The following REXO2 variants were observed in gnomAD, a reference collection of about 807,000 sequenced individuals.
REXO2 encodes the protein oligoribonuclease, mitochondrial.
A neutral mutation model predicts 30.9 loss-of-function variants in REXO2; 17 were observed. The ratio of observed to expected loss-of-function variants is 0.55; its 90% CI spans 0.38 to 0.82. REXO2 has a LOEUF of 0.82. Among genes scored for constraint, REXO2 ranks in the 40% least tolerant of loss-of-function variants. The probability of loss-of-function intolerance (pLI) is 0.00; values close to 1 mark genes in which losing one functional copy is unlikely to be tolerated. For synonymous variants in REXO2, 105 were observed against 99.6 expected, an observed-to-expected ratio of 1.05 and a Z score of -0.32; for missense variants, 253 against 293.2, an observed-to-expected ratio of 0.86 and a Z score of 1.00.
chr11:114,444,435 T>C (rs746651924), intron 3 of REXO2, 106 bp from the exon 4 acceptor site: 5 of 779,442 alleles, frequency 6.4e-6, no homozygotes, highest in Non-Finnish European at 1.1e-5. Context: ...ATGGTCTATT[T>C]GTGGTTATAT....
chr11:114,443,178 C>T (rs572153736), intron 2 of REXO2, among the ~76,000 whole-genome samples: 1 of 151,886 alleles, frequency 6.6e-6, no homozygotes, highest in East Asian at 1.9e-4. Flanking sequence ...TGGCATGTAG[C>T]TCACTGTAAC....
At chr11:114,444,432 A>G in intron 3 of REXO2, 109 bp from the exon 4 acceptor site, 2 of 769,264 alleles carry the variant, frequency 2.6e-6, no homozygotes, top group East Asian at 2.5e-5. Context: ...AAAATGGTCT[A>G]TTTGTGGTTA....
At chr11:114,444,750 C>A in intron 4 of REXO2, 98 bp downstream of exon 4, 1 of 631,662 alleles carries the variant, frequency 1.6e-6, no homozygotes, top group Non-Finnish European at 2.5e-6. Flanking sequence ...CCATGTCTTC[C>A]ACTTAACCCT....
intron 5 of REXO2, among the ~76,000 whole-genome samples, chr11:114,447,619 A>G (rs1946517495): frequency 6.6e-6 from 1 of 152,142 alleles, no homozygotes; most frequent in South Asian, 2.1e-4. Flanking sequence ...TTCCAGATTT[A>G]GCAATCTTAC....
intron 6 of REXO2, 108 bp downstream of exon 6, chr11:114,447,987 T>TA: frequency 1.2e-6 from 1 of 842,376 alleles, no homozygotes; most frequent in Admixed American, 2.5e-5. Context: ...GGGGAAAAGA[T>TA]AAAGTTCAAC....
At chr11:114,444,332 A>ACTGTGG in intron 3 of REXO2, 1 of 635,476 alleles carries the variant, frequency 1.6e-6, no homozygotes, top group Non-Finnish European at 2.8e-6. Flanking sequence ...ACATGCTATT[A>ACTGTGG]ACAGTCAGGA....
intron 6 of REXO2, among the ~76,000 whole-genome samples, chr11:114,448,453 T>C (rs902120770): frequency 6.6e-6 from 1 of 152,210 alleles, no homozygotes; most frequent in African/African-American, 2.4e-5. Context: ...TTAAACCATT[T>C]ACTGAACCCC....
intron 3 of REXO2, 198 bp downstream of exon 3, chr11:114,444,131 CTT>C (rs1565270853): frequency 1.5e-6 from 1 of 657,362 alleles, no homozygotes; most frequent in African/African-American, 1.8e-5. Context: ...TGAATGTCCT[CTT>C]TTTTTTCTCT....
In REXO2 at chr11:114,444,586, C is replaced by T; in HGVS notation, c.355C>T (p.Gln119Ter). The T allele has an allele frequency of 6.2e-7, 1 of 1,612,170 alleles. No individual in the cohort carries two copies. The highest frequency in any genetic ancestry group is 1.1e-5 in the South Asian group (1 of 90,610). ...GAAGGAGAGTACAATTACATTGCAG[C>T]AGGCAGAGTATGAATTTCTGTCCTT... ...AVKESTITLQ[Q>*]AEYEFLSFVR... Residue 119 changes from glutamine (Q) to a stop codon, truncating the protein, a stop_gained, in exon 4 of 7, where the codon CAG (glutamine) becomes TAG (stop). Coordinates refer to ENST00000265881, the MANE Select transcript of REXO2 (RefSeq NM_015523.4). LOFTEE classifies it high-confidence loss of function.
At chr11:114,449,229 G>A (rs1037106120) in intron 6 of REXO2, 2 of 152,180 alleles carry the variant, frequency 1.3e-5, no homozygotes, top group Non-Finnish European at 2.9e-5. Context: ...AGATCCTCTG[G>A]TATGGTTAGG....
At chr11:114,445,947 A>G in intron 4 of REXO2, 32 bp from the exon 5 acceptor site, 1 of 1,101,876 alleles carries the variant, frequency 9.1e-7, no homozygotes, top group African/African-American at 1.5e-5. Flanking sequence ...TACTAGAAAT[A>G]TAGAGATGCA....
At chr11:114,441,254 C>T (rs1226898170) in intron 2 of REXO2, among the ~76,000 whole-genome samples, 1 of 152,180 alleles carries the variant, frequency 6.6e-6, no homozygotes, top group African/African-American at 2.4e-5. Context: ...TTTGGTGACT[C>T]GTGCCAATGT....
At chr11:114,441,717 T>C in intron 2 of REXO2, 1 of 702,290 alleles carries the variant, frequency 1.4e-6, no homozygotes, top group East Asian at 2.7e-5. Flanking sequence ...AATCTGCAGT[T>C]AACACTTTTG....
chr11:114,449,777 T>A, intron 6 of REXO2, 69 bp from the exon 7 acceptor site: 3 of 1,498,592 alleles, frequency 2.0e-6, no homozygotes, highest in African/African-American at 1.4e-5. Context: ...TTTTAAAAGT[T>A]GTACTTTTAA....
chr11:114,444,000 G>A (rs1289008136), intron 3 of REXO2, 67 bp downstream of exon 3: 25 of 1,046,866 alleles, frequency 2.4e-5, no homozygotes, highest in Non-Finnish European at 3.5e-5. Context: ...TCCCACACCT[G>A]AATCCGATAC....
At chr11:114,441,624 A>T in intron 2 of REXO2, 2 of 656,206 alleles carry the variant, frequency 3.0e-6, no homozygotes, top group Non-Finnish European at 5.5e-6. Flanking sequence ...CAAAGTAGGG[A>T]TGTTTGTGGA....
chr11:114,442,812 G>A lies in REXO2; in HGVS notation c.232-1044G>A, dbSNP rs147367315. On this transcript the variant is annotated intron_variant, in intron 2 of 6. Coordinates refer to ENST00000265881, the MANE Select transcript of REXO2 (RefSeq NM_015523.4). ...TTATCTGAGAGACTCATACTTGGAT[G>A]TTCTATGAAATGGAGCTGAGAATTT... 5.5e-4 allele frequency among the ~76,000 whole-genome samples: 84 copies of A among 152,234 alleles called. 1 individual carries two copies. The East Asian group carries it at 0.016, about 28-fold the overall frequency.
At chr11:114,442,880 AT>A (rs888420805) in intron 2 of REXO2, among the ~76,000 whole-genome samples, 24 of 151,754 alleles carry the variant, frequency 1.6e-4, no homozygotes, top group African/African-American at 4.8e-4. Context: ...TACCTCTTTA[AT>A]TTTTTTTTAA....
At chr11:114,446,246 T>C in intron 5 of REXO2, 159 bp downstream of exon 5, 1 of 436,402 alleles carries the variant, frequency 2.3e-6, no homozygotes, top group Non-Finnish European at 4.1e-6. Flanking sequence ...TAACTTACCC[T>C]GGACTGGTGA....
Sources: gnomAD v4.1 joint callset for allele counts (sites outside exome capture counted in the v4.1 genomes callset) on GRCh38, gnomAD v4.1.1 for gene constraint, MANE v1.5 for transcripts, NCBI Gene and HGNC (gene_info 2026-07-23, HGNC 2026-07-21) for gene names.